HCFC1: variants seen among roughly 807,000 people sequenced by gnomAD.
The protein encoded by HCFC1 is host cell factor C1.
A neutral mutation model predicts 105.5 loss-of-function variants in HCFC1; 7 were observed. The observed-to-expected ratio is 0.07, with a 90% confidence interval of 0.04 to 0.12. The LOEUF is 0.12. Among genes scored for constraint, HCFC1 ranks in the 10% least tolerant of loss-of-function variants. The pLI is 1.00. For synonymous variants in HCFC1, 918 were observed against 828.1 expected, an observed-to-expected ratio of 1.11 and a Z score of -1.86; for missense variants, 1,065 against 1,823.6, an observed-to-expected ratio of 0.58 and a Z score of 7.58.
At chrX:153,955,655 G>T in intron 16 of HCFC1, 113 bp from the exon 17 acceptor site, 1 of 781,967 alleles carries the variant, frequency 1.3e-6, no homozygotes, top group Non-Finnish European at 1.8e-6. Flanking sequence ...CTTCTCAACG[G>T]CCCTGGCAGA....
Position 153,959,411 on chromosome X carries a change from C to G in HCFC1, c.1525G>C (p.Ala509Pro). The G allele has an allele frequency of 8.3e-7, 1 of 1,211,928 alleles. No individual in the cohort carries two copies. Residue 509 changes from alanine to proline, a missense_variant, in exon 9 of 26, where the codon GCT becomes CCT. By Grantham distance (27) the Ala-to-Pro change is conservative. Coordinates refer to ENST00000310441, the MANE Select transcript of HCFC1 (RefSeq NM_005334.3). ...GTCACGGTGACAGGGGCTTTCCCAG[C>G]CTGGCTGGCAGGTCGCATGGTGACC... is the stretch of plus-strand genomic sequence containing the variant. ...PLVTMRPASQAGKAPVTVTSL... is the reference protein window; with the variant it reads ...PLVTMRPASQPGKAPVTVTSL...
chrX:153,970,944 G>A lies in HCFC1; in HGVS notation c.-104C>T, dbSNP rs1217927728. 2.1e-5 allele frequency: 15 copies of A among 705,760 alleles called. No homozygotes were observed. Among genetic ancestry groups the A allele is most frequent in the Non-Finnish European group, 3.1e-5 (15 of 491,707 alleles). 58.2% of individuals were successfully genotyped at this position (705,760 alleles called of 1,213,427 possible). On this transcript the variant is annotated 5_prime_UTR_variant, in exon 1 of 26. Coordinates refer to ENST00000310441, the MANE Select transcript of HCFC1 (RefSeq NM_005334.3). Reference sequence around the variant, plus strand: ...CGTCTAAGGCAGCTCTCACGGAGAAGCGGTTTCTCACACAGCGGTAGACGA... The same window carrying A: ...CGTCTAAGGCAGCTCTCACGGAGAAACGGTTTCTCACACAGCGGTAGACGA...
chrX:153,951,163 T>C (rs2065307219), intron 22 of HCFC1, among the ~76,000 whole-genome samples, 165 bp from the exon 23 acceptor site: 1 of 111,953 alleles, frequency 8.9e-6, no homozygotes, highest in Non-Finnish European at 1.9e-5. Flanking sequence ...TGTGGCCCGG[T>C]ACTGGCGGGA....
intron 1 of HCFC1, 151 bp downstream of exon 1, chrX:153,970,497 G>A (rs1381070570): frequency 4.9e-6 from 2 of 410,762 alleles, no homozygotes; most frequent in Non-Finnish European, 4.2e-6. Flanking sequence ...AAGGGAGGAG[G>A]GGAGAGAGAG....
intron 1 of HCFC1, among the ~76,000 whole-genome samples, chrX:153,965,901 T>C (rs2266886): frequency 0.38 from 42,494 of 111,262 alleles, 7,994 homozygotes; most frequent in East Asian, 0.76. Context: ...TGACCATGGT[T>C]GGGAATGCAT....
intron 1 of HCFC1, among the ~76,000 whole-genome samples, chrX:153,967,655 C>T (rs1164667442): frequency 1.8e-5 from 2 of 112,060 alleles, no homozygotes; most frequent in Non-Finnish European, 3.8e-5. Context: ...CTGACCAAGC[C>T]GGGCCCTTGG....
In HCFC1 at chrX:153,952,860, G is replaced by A. The variant is rs1281032145; in HGVS notation, c.4596C>T (p.Ala1532=). The A allele has an allele frequency of 1.9e-5, 22 of 1,182,968 alleles. No individual in the cohort carries two copies. The highest frequency in any genetic ancestry group is 2.3e-5 in the Non-Finnish European group (20 of 882,340). Reference sequence around the variant, plus strand: ...GGGTCTGGGAGGCTGACAGGACCTCGGCGGACTCCCCCATCAGGGCTGTGG... The same window carrying A: ...GGGTCTGGGAGGCTGACAGGACCTCAGCGGACTCCCCCATCAGGGCTGTGG... ...SASTALMGES[A]EVLSASQTPE... is the part of the protein sequence containing the mutation. Residue 1532 remains alanine (A), a synonymous_variant, in exon 19 of 26, where the codon GCC becomes GCT. Coordinates refer to ENST00000310441, the MANE Select transcript of HCFC1 (RefSeq NM_005334.3).
intron 16 of HCFC1, among the ~76,000 whole-genome samples, chrX:153,955,892 AACAGAACACTGC>A (rs1448945086): frequency 1.6e-4 from 18 of 113,227 alleles, no homozygotes; most frequent in African/African-American, 5.8e-4. Flanking sequence ...AATATGTATG[AACAGAACACTGC>A]ACACACATGC....
At chrX:153,949,728 G>T in intron 24 of HCFC1, 112 bp from the exon 25 acceptor site, 1 of 710,002 alleles carries the variant, frequency 1.4e-6, no homozygotes, top group Non-Finnish European at 2.2e-6. Flanking sequence ...ATGACCCGCA[G>T]CTGGCAAGGG....
Position 153,954,529 on chromosome X carries a change from G to A in HCFC1, c.3870C>T (p.Ser1290=), listed in dbSNP as rs1159026665. The change falls in exon 17 of 26, where the codon TCC becomes TCT. Residue 1290 remains serine (S), a synonymous_variant. Coordinates refer to ENST00000310441, the MANE Select transcript of HCFC1 (RefSeq NM_005334.3). ...CPSATVTQVC[S]NPPCETHETG... The stretch of plus-strand genomic sequence containing the variant: ...TCTCGTGGGTCTCACATGGTGGGTT[G>A]GAGCAGACTTGGGTCACGGTGGCCG... The A allele has an allele frequency of 3.3e-6, 4 of 1,209,515 alleles. No individual in the cohort carries two copies. In the African/African-American group the frequency reaches 7.0e-5, roughly 21 times the overall value.
At chrX:153,950,742 C>G (rs1406393922) in intron 23 of HCFC1, 71 bp downstream of exon 23, 3 of 1,069,676 alleles carry the variant, frequency 2.8e-6, no homozygotes, top group East Asian at 3.0e-5. Context: ...ATGCCCCCCC[C>G]CGGCCACCTC....
Position 153,958,587 on chromosome X carries a change from C to T in HCFC1, c.1785G>A (p.Val595=). The T allele has an allele frequency of 8.3e-7, 1 of 1,203,923 alleles. No homozygotes were observed. Among genetic ancestry groups the T allele is most frequent in the Non-Finnish European group, 1.1e-6 (1 of 891,000 alleles). ...GTTTLPATVK[V]ASSPVMVSNP... is the part of the protein sequence containing the mutation. ...CGCTCACCATGACTGGCGAGGAGGC[C>T]ACCTTCACAGTGGCTGGGAGGGTGG... The change falls in exon 10 of 26, where the codon GTG becomes GTA. Residue 595 remains valine, a synonymous_variant. Coordinates refer to ENST00000310441, the MANE Select transcript of HCFC1 (RefSeq NM_005334.3).
intron 5 of HCFC1, 73 bp downstream of exon 5, chrX:153,962,149 A>G (rs1557117134): frequency 4.8e-6 from 4 of 831,654 alleles, no homozygotes; most frequent in Non-Finnish European, 7.1e-6. Context: ...ACAGGACAAA[A>G]CTGAGTGAGA....
chrX:153,970,904 TCA>T lies in HCFC1; in HGVS notation c.-66_-65del. The T allele has an allele frequency of 1.3e-5, 12 of 946,276 alleles. No individual in the cohort carries two copies. Among genetic ancestry groups the T allele is most frequent in the Non-Finnish European group, 1.7e-5 (12 of 700,752 alleles). 78.0% of individuals were successfully genotyped at this position (946,276 alleles called of 1,213,427 possible). A position where few individuals can be genotyped will look rare whatever the true frequency, so the allele number is the denominator to read the frequency against. ...CGGGAAGGGAGCCCCTCAATTCCTT[TCA>T]CACACCCCCTTTCGTCTAAGGCAGC... On this transcript the variant is annotated 5_prime_UTR_variant, in exon 1 of 26. Coordinates refer to ENST00000310441, the MANE Select transcript of HCFC1 (RefSeq NM_005334.3).
chrX:153,953,044 T>A, intron 18 of HCFC1, 86 bp from the exon 19 acceptor site: 3 of 746,517 alleles, frequency 4.0e-6, no homozygotes, highest in Non-Finnish European at 6.1e-6. Context: ...GATGGGGACT[T>A]CAGTAGTCAG....
Position 153,954,753 on chromosome X carries a change from T to C in HCFC1, c.3646A>G (p.Ser1216Gly), listed in dbSNP as rs782337070. The part of the protein sequence containing the change: ...PAFVQLAPLS[S>G]KVRLSSPSIK... ...CTTGGGCTGCTCAGCCTGACTTTGC[T>C]GCTCAGAGGGGCCAACTGCACAAAA... is the stretch of plus-strand genomic sequence containing the variant. The change falls in exon 17 of 26, where the codon AGC (serine) becomes GGC (glycine). Residue 1216 changes from serine (S) to glycine (G), a missense_variant. By Grantham distance (56) the Ser-to-Gly change is moderately conservative. Coordinates refer to ENST00000310441, the MANE Select transcript of HCFC1 (RefSeq NM_005334.3). 58 of 1,172,730 alleles carry C rather than the reference T, an allele frequency of 4.9e-5. No individual in the cohort carries two copies. Among genetic ancestry groups the C allele is most frequent in the Non-Finnish European group, 6.5e-5 (57 of 876,660 alleles).
chrX:153,956,794 T>C, intron 14 of HCFC1, 31 bp from the exon 15 acceptor site: 1 of 1,209,284 alleles, frequency 8.3e-7, no homozygotes, highest in Non-Finnish European at 1.1e-6. Context: ...GCCACCAACG[T>C]CACCACCAGG....
At chrX:153,962,411 A>G (rs2065438188) in intron 4 of HCFC1, 105 bp from the exon 5 acceptor site, 1 of 556,930 alleles carries the variant, frequency 1.8e-6, no homozygotes, top group Middle Eastern at 3.2e-4. Context: ...CAGTGAGAGA[A>G]TTCCATCCCT....
At position 153,959,969 on chromosome X, in the gene HCFC1, T is replaced by C. The variant is rs1557116302; in HGVS notation, c.1277A>G (p.Lys426Arg). 1.7e-6 allele frequency: 2 copies of C among 1,211,033 alleles called. No homozygotes were observed. Among genetic ancestry groups the C allele is most frequent in the Admixed American group, 2.2e-5 (1 of 46,039 alleles). ...TGCGGCTGCTGCTGGGGCAGGGCTC[T>C]TGGGAGGGTTGGCAGGCACAGATGG... Reference protein sequence around the residue: ...PVPSVPANPPKSPAPAAAAPA... With the variant: ...PVPSVPANPPRSPAPAAAAPA... The change falls in exon 8 of 26, where the codon AAG becomes AGG. Residue 426 changes from lysine to arginine, a missense_variant. Transcript: ENST00000310441.
Sources: allele counts gnomAD v4.1 joint callset (sites outside exome capture counted in the v4.1 genomes callset), GRCh38; gene constraint gnomAD v4.1.1; transcripts MANE v1.5; gene names NCBI Gene and HGNC (gene_info 2026-07-23, HGNC 2026-07-21).